TNRC6B: variants seen among roughly 807,000 people sequenced by gnomAD.
TNRC6B encodes trinucleotide repeat-containing gene 6B protein.
Under a neutral mutation model 203.6 loss-of-function variants are expected in TNRC6B, and 52 were observed. The observed-to-expected ratio is 0.26, with a 90% CI of 0.20 to 0.32. The LOEUF (loss-of-function observed/expected upper bound fraction) is 0.32, where lower values mean the gene tolerates loss of function less well. Ranked by LOEUF, TNRC6B falls within the 10% of genes least tolerant of loss-of-function variation. The probability of loss-of-function intolerance (pLI) is 1.00; values close to 1 mark genes in which losing one functional copy is unlikely to be tolerated. For synonymous variants in TNRC6B, 838 were observed against 845.7 expected, an observed-to-expected ratio of 0.99 and a Z score of 0.16; for missense variants, 1,923 against 2,286.2, an observed-to-expected ratio of 0.84 and a Z score of 3.24.
chr22:40,293,176 T>C (rs2146537347), intron 12 of TNRC6B, among the ~76,000 whole-genome samples: 1 of 149,136 alleles, frequency 6.7e-6, no homozygotes, highest in East Asian at 2.0e-4. Context: ...GCAGTGCTGC[T>C]ATAATATCCT....
chr22:40,090,187 C>T (rs2068138656), intron 1 of TNRC6B, among the ~76,000 whole-genome samples: 2 of 152,188 alleles, frequency 1.3e-5, no homozygotes, highest in Non-Finnish European at 1.5e-5. Flanking sequence ...CCTCATTTGA[C>T]CAAATGTCAA....
At chr22:40,262,438 T>C (rs1228180474) in intron 4 of TNRC6B, among the ~76,000 whole-genome samples, 1 of 152,104 alleles carries the variant, frequency 6.6e-6, no homozygotes, top group African/African-American at 2.4e-5. Flanking sequence ...CTTCTCAGAC[T>C]AGAGTGTTAC....
intron 1 of TNRC6B, among the ~76,000 whole-genome samples, chr22:40,063,215 T>C (rs1000557175): frequency 2.6e-5 from 4 of 152,234 alleles, no homozygotes; most frequent in African/African-American, 7.2e-5. Flanking sequence ...TTGGCAACTT[T>C]CTTGTGAAAT....
At chr22:40,279,955 T>A (rs1464120536) in intron 9 of TNRC6B, 40 bp from the exon 10 acceptor site, 1 of 1,608,404 alleles carries the variant, frequency 6.2e-7, no homozygotes, top group Non-Finnish European at 8.5e-7. Context: ...GGGGAAACAT[T>A]GATTCTGGAA....
chr22:40,250,529 T>C (rs1233798210), intron 2 of TNRC6B, among the ~76,000 whole-genome samples: 1 of 152,212 alleles, frequency 6.6e-6, no homozygotes, highest in South Asian at 2.1e-4. Context: ...ACTGCTGTAC[T>C]TCATGCTATT....
At chr22:40,309,004 C>T (rs2071134670) in intron 16 of TNRC6B, among the ~76,000 whole-genome samples, 1 of 152,198 alleles carries the variant, frequency 6.6e-6, no homozygotes, top group Non-Finnish European at 1.5e-5. Flanking sequence ...GTTGTTTGAA[C>T]CATAATAAAT....
At chr22:40,315,581 A>C in intron 20 of TNRC6B, 74 bp downstream of exon 20, 1 of 1,466,386 alleles carries the variant, frequency 6.8e-7, no homozygotes, top group South Asian at 1.2e-5. Context: ...TGGTGAAGAC[A>C]CAAAGAGGTC....
At chr22:40,312,674 A>G (rs774672343) in intron 18 of TNRC6B, 23 bp downstream of exon 18, 19 of 1,603,100 alleles carry the variant, frequency 1.2e-5, no homozygotes, top group Non-Finnish European at 1.6e-5. Flanking sequence ...AGCATCTCTT[A>G]TATGTTCAAC....
In TNRC6B at chr22:40,262,128, C is replaced by A; in HGVS notation, c.412C>A (p.Gln138Lys). 1 of 1,497,972 alleles carries A rather than the reference C, an allele frequency of 6.7e-7. No individual in the cohort carries two copies. Among genetic ancestry groups the A allele is most frequent in the South Asian group, 1.3e-5 (1 of 75,120 alleles). 92.8% of individuals were successfully genotyped at this position (1,497,972 alleles called of 1,614,324 possible). A position where few individuals can be genotyped will look rare whatever the true frequency, so the allele number is the denominator to read the frequency against. Reference protein sequence around the residue: ...TAPGANPNNAQVTGALLQSES... With the variant: ...TAPGANPNNAKVTGALLQSES... ...ACCTGGAGCAAACCCAAACAACGCACAAGTGACAGGAGCGCTGCTGCAGAG... is the reference window on the plus strand; with the variant it reads ...ACCTGGAGCAAACCCAAACAACGCAAAAGTGACAGGAGCGCTGCTGCAGAG... The change falls in exon 4 of 23, where the codon CAA (glutamine) becomes AAA (lysine). Residue 138 changes from glutamine to lysine, a missense_variant. By Grantham distance (53) the Gln-to-Lys change is moderately conservative. Transcript: ENST00000454349.
chr22:40,123,282 T>C (rs775729000), intron 2 of TNRC6B, among the ~76,000 whole-genome samples: 1 of 150,304 alleles, frequency 6.7e-6, no homozygotes, highest in Non-Finnish European at 1.5e-5. Context: ...GGAGGAGGAG[T>C]CGGTAACGGG....
intron 1 of TNRC6B, among the ~76,000 whole-genome samples, chr22:40,070,286 A>G (rs967659182): frequency 6.6e-6 from 1 of 152,140 alleles, no homozygotes; most frequent in African/African-American, 2.4e-5. Context: ...GTGATTTAGT[A>G]ACTTCTTGGA....
intron 1 of TNRC6B, among the ~76,000 whole-genome samples, chr22:40,183,078 G>A (rs550391014): frequency 6.6e-6 from 1 of 151,740 alleles, no homozygotes; most frequent in East Asian, 1.9e-4. Context: ...GAACGGCTTG[G>A]CAGGAGTGGA....
chr22:40,335,356 G>T lies in TNRC6B; in HGVS notation c.*12115G>T. Reference sequence around the variant, plus strand: ...TAGTATAGTGGTACTTAAAATCACTGGTTCACTTAAAAAAACAAACAATAA... The same window carrying T: ...TAGTATAGTGGTACTTAAAATCACTTGTTCACTTAAAAAAACAAACAATAA... On this transcript the variant is annotated 3_prime_UTR_variant, in exon 23 of 23. Coordinates refer to ENST00000454349, the MANE Select transcript of TNRC6B (RefSeq NM_001162501.2). 1 of 150,152 alleles carries T rather than the reference G, an allele frequency of 6.7e-6. No individual in the cohort carries two copies. The allele number at this position is 150,152 out of a possible 1,614,324, so 9.3% of individuals were successfully genotyped here.
At chr22:40,176,757 A>T (rs1486973492), upstream of TNRC6B, among the ~76,000 whole-genome samples, 1 of 152,144 alleles carries the variant, frequency 6.6e-6, no homozygotes, top group African/African-American at 2.4e-5. Flanking sequence ...TGCTCTGAAG[A>T]AGTAGTAAAG....
intron 12 of TNRC6B, among the ~76,000 whole-genome samples, chr22:40,298,188 G>T (rs2070971603): frequency 6.6e-6 from 1 of 151,732 alleles, no homozygotes; most frequent in Non-Finnish European, 1.5e-5. Flanking sequence ...AGCTACATGG[G>T]TTAAATATTA....
chr22:40,280,381 T>C (rs1013553697), intron 10 of TNRC6B, among the ~76,000 whole-genome samples: 3 of 152,228 alleles, frequency 2.0e-5, no homozygotes, highest in African/African-American at 7.2e-5. Context: ...TTTTGAGAAA[T>C]TCATGAAGTG....
intron 1 of TNRC6B, among the ~76,000 whole-genome samples, chr22:40,214,006 G>A (rs1358998943): frequency 2.0e-5 from 3 of 152,296 alleles, no homozygotes; most frequent in African/African-American, 7.2e-5. Flanking sequence ...GGTGGCTCAC[G>A]CTTGTAATCC....
At chr22:40,288,867 A>T (rs2070829044) in intron 12 of TNRC6B, among the ~76,000 whole-genome samples, 2 of 95,776 alleles carry the variant, frequency 2.1e-5, no homozygotes, top group African/African-American at 4.3e-5. Flanking sequence ...TTTGAGGCAG[A>T]GTCTCTCTCT....
intron 1 of TNRC6B, among the ~76,000 whole-genome samples, chr22:40,234,885 G>A (rs2146455246): frequency 6.6e-6 from 1 of 152,212 alleles, no homozygotes; most frequent in East Asian, 1.9e-4. Flanking sequence ...AAAATGTTAA[G>A]AACAAATCCA....
Sources: gnomAD v4.1 joint callset for allele counts (sites outside exome capture counted in the v4.1 genomes callset) on GRCh38, gnomAD v4.1.1 for gene constraint, MANE v1.5 for transcripts, NCBI Gene and HGNC (gene_info 2026-07-23, HGNC 2026-07-21) for gene names.